The following RPL3L variants were observed in gnomAD, a reference collection of about 807,000 sequenced individuals.
The protein encoded by RPL3L is ribosomal protein uL3-like.
Under a neutral mutation model 44.5 loss-of-function variants are expected in RPL3L, and 44 were observed. That is an observed-to-expected ratio of 0.99 (90% CI 0.78 to 1.27). The LOEUF (loss-of-function observed/expected upper bound fraction) is 1.27, where lower values mean the gene tolerates loss of function less well. Among genes scored for constraint, RPL3L ranks in the 50% most tolerant of loss-of-function variants. The pLI, the probability that RPL3L is intolerant of heterozygous loss-of-function variation, is 0.00. For missense variants in RPL3L, 631 were observed against 569.1 expected (o/e 1.11, Z -1.11); for synonymous variants, 292 against 230.7 (o/e 1.27, Z -2.41).
At chr16:1,947,675 T>A (rs921777440) in intron 4 of RPL3L, among the ~76,000 whole-genome samples, 1 of 152,116 alleles carries the variant, frequency 6.6e-6, no homozygotes, top group African/African-American at 2.4e-5. Flanking sequence ...GTGTTTCAGA[T>A]ACAGTGGTCA....
intron 8 of RPL3L, 64 bp downstream of exon 8, chr16:1,945,771 C>G: frequency 6.2e-7 from 1 of 1,607,404 alleles, no homozygotes; most frequent in Non-Finnish European, 8.5e-7. Flanking sequence ...CGTAGCAGGC[C>G]GCAGGGCAGG....
intron 4 of RPL3L, among the ~76,000 whole-genome samples, chr16:1,950,591 G>A (rs564580921): frequency 4.6e-5 from 7 of 152,244 alleles, no homozygotes; most frequent in African/African-American, 1.4e-4. Context: ...CTGGGGACCC[G>A]GCTCTTCAGG....
intron 9 of RPL3L, 62 bp downstream of exon 9, chr16:1,945,437 G>C: frequency 3.8e-6 from 6 of 1,563,626 alleles, no homozygotes; most frequent in Non-Finnish European, 5.2e-6. Flanking sequence ...CTCCCTACTC[G>C]GGCAGGCTGG....
In RPL3L at chr16:1,946,651, C is replaced by T. The variant is rs769752391; in HGVS notation, c.925G>A (p.Val309Met). Reference protein sequence around the residue: ...VKNNASTSYDVTAKSITPLGG... With the variant: ...VKNNASTSYDMTAKSITPLGG... ...AGCGGTGTGATGGACTTGGCAGTCA[C>T]GTCGTAGCTGGTGGATGCATTGTTC... is the stretch of plus-strand genomic sequence containing the variant. The change falls in exon 7 of 10, where the codon GTG becomes ATG. Residue 309 changes from valine to methionine, a missense_variant. Val to Met is a conservative substitution (Grantham distance 21). Coordinates refer to ENST00000268661, the MANE Select transcript of RPL3L (RefSeq NM_005061.3). 2.7e-5 allele frequency: 44 copies of T among 1,612,758 alleles called. No homozygotes were observed. Among genetic ancestry groups the T allele is most frequent in the Admixed American group, 6.7e-5 (4 of 60,024 alleles).
At position 1,953,899 on chromosome 16, in the gene RPL3L, C is replaced by T. The variant is rs141123265; in HGVS notation, c.196+57G>A. 4.0e-4 allele frequency: 572 copies of T among 1,415,038 alleles called. 1 individual carries two copies. In the Middle Eastern group the frequency reaches 7.5e-3, roughly 19 times the overall value. 87.7% of individuals were successfully genotyped at this position (1,415,038 alleles called of 1,614,324 possible). A position where few individuals can be genotyped will look rare whatever the true frequency, so the allele number is the denominator to read the frequency against. Reference sequence around the variant, plus strand: ...GGACCAAAAGCGTGAGTTCTGGCTCCGAGCATCTGGAAGGTTCAGCCCTCC... The same window carrying T: ...GGACCAAAAGCGTGAGTTCTGGCTCTGAGCATCTGGAAGGTTCAGCCCTCC... On this transcript the variant is annotated intron_variant, in intron 2 of 9. Transcript: ENST00000268661.
intron 1 of RPL3L, 132 bp from the exon 2 acceptor site, chr16:1,954,280 C>A: frequency 9.9e-7 from 1 of 1,012,954 alleles, no homozygotes; most frequent in Non-Finnish European, 1.4e-6. Flanking sequence ...CCTCCCCTGT[C>A]TGCCTACAGG....
At chr16:1,946,551 C>T in intron 7 of RPL3L, 74 bp downstream of exon 7, 1 of 1,498,444 alleles carries the variant, frequency 6.7e-7, no homozygotes, top group Non-Finnish European at 9.2e-7. Context: ...ACCAGGCCCC[C>T]CGGCCAGCCT....
intron 5 of RPL3L, 28 bp downstream of exon 5, chr16:1,947,166 T>G (rs1353364216): frequency 6.2e-7 from 1 of 1,612,966 alleles, no homozygotes; most frequent in Admixed American, 1.7e-5. Flanking sequence ...CAGCCTGCCC[T>G]GGAGCTGCCA....
intron 2 of RPL3L, 71 bp downstream of exon 2, chr16:1,953,885 G>GT: frequency 7.3e-7 from 1 of 1,376,618 alleles, no homozygotes; most frequent in South Asian, 1.7e-5. Flanking sequence ...GACCAAAAGC[G>GT]TGAGTTCTGG....
intron 7 of RPL3L, 66 bp downstream of exon 7, chr16:1,946,559 C>A: frequency 6.5e-7 from 1 of 1,536,670 alleles, no homozygotes; most frequent in Non-Finnish European, 8.9e-7. Flanking sequence ...CCCCGGCCAG[C>A]CTGACCCCAC....
chr16:1,944,895 T>C lies in RPL3L; in HGVS notation c.1168-2A>G, dbSNP rs2083108914. ...CTCCAGATGCTTCTTTTGGGGGCCC[T>C]GGTTGAGAGGGTGGTGCAGGAGGAG... On this transcript the variant is annotated splice_acceptor_variant, in intron 9 of 9. Coordinates refer to ENST00000268661, the MANE Select transcript of RPL3L (RefSeq NM_005061.3). LOFTEE classifies it high-confidence loss of function. 2 of 1,612,214 alleles carry C rather than the reference T, an allele frequency of 1.2e-6. No individual in the cohort carries two copies. The highest frequency in any genetic ancestry group is 1.7e-6 in the Non-Finnish European group (2 of 1,179,276).
Position 1,947,041 on chromosome 16 carries a change from C to A in RPL3L, c.746G>T (p.Arg249Leu), listed in dbSNP as rs149043671. The A allele has an allele frequency of 1.2e-6, 2 of 1,613,010 alleles. No individual in the cohort carries two copies. Among genetic ancestry groups the A allele is most frequent in the East Asian group, 2.2e-5 (1 of 44,888 alleles). Residue 249 changes from arginine (R) to leucine (L), a missense_variant, in exon 6 of 10, where the codon CGC becomes CTC. By Grantham distance (102) the Arg-to-Leu change is moderately radical (BLOSUM62 -2). Coordinates refer to ENST00000268661, the MANE Select transcript of RPL3L (RefSeq NM_005061.3). The part of the protein sequence containing the change: ...KLPRKTHKGL[R>L]KVACIGAWHP... ...CCAGGCGCCAATGCAGGCCACCTTGCGCAGGCCCTTATGGGTCTTCCGCGG... is the reference window on the plus strand; with the variant it reads ...CCAGGCGCCAATGCAGGCCACCTTGAGCAGGCCCTTATGGGTCTTCCGCGG...
At chr16:1,952,809 C>T in intron 3 of RPL3L, 65 bp downstream of exon 3, 1 of 1,581,870 alleles carries the variant, frequency 6.3e-7, no homozygotes, top group Non-Finnish European at 8.6e-7. Flanking sequence ...AGAGCTAGAG[C>T]CTCAGGCACC....
At chr16:1,945,354 C>CAAAAAAAAAAAAAACA (rs1457174857) in intron 9 of RPL3L, 145 bp downstream of exon 9, 1 of 707,192 alleles carries the variant, frequency 1.4e-6, no homozygotes, top group Non-Finnish European at 1.9e-6. Flanking sequence ...GACTCCATCT[C>CAAAAAAAAAAAAAACA]AAAAAATAAA....
Position 1,950,951 on chromosome 16 carries a change from T to C in RPL3L, c.394A>G (p.Lys132Glu). The C allele has an allele frequency of 6.2e-7, 1 of 1,613,998 alleles. No homozygotes were observed. The highest frequency in any genetic ancestry group is 8.5e-7 in the Non-Finnish European group (1 of 1,179,956). The change falls in exon 4 of 10, where the codon AAG becomes GAG. Residue 132 changes from lysine (K) to glutamate (E), a missense_variant. Coordinates refer to ENST00000268661, the MANE Select transcript of RPL3L (RefSeq NM_005061.3). Reference sequence around the variant, plus strand: ...GTGTCCCGCCACCTCTTGCAGGCCTTGGTGAAGGCTTTCTTCTTGCTCTTG... The same window carrying C: ...GTGTCCCGCCACCTCTTGCAGGCCTCGGTGAAGGCTTTCTTCTTGCTCTTG... ...WHKSKKKAFT[K>E]ACKRWRDTDG...
At chr16:1,948,738 C>T (rs1597026911) in intron 4 of RPL3L, among the ~76,000 whole-genome samples, 1 of 149,574 alleles carries the variant, frequency 6.7e-6, no homozygotes, top group South Asian at 2.2e-4. Context: ...TTTTTTGAGA[C>T]GGAGTTTTGC....
chr16:1,954,556 A>G, intron 1 of RPL3L, 73 bp downstream of exon 1: 1 of 1,477,426 alleles, frequency 6.8e-7, no homozygotes, highest in South Asian at 1.3e-5. Context: ...GGGAGCATCC[A>G]GAAGCCCAGC....
Position 1,944,850 on chromosome 16 carries a change from G to A in RPL3L, c.1211C>T (p.Ser404Leu), listed in dbSNP as rs1597023846. Reference sequence around the variant, plus strand: ...ACCCCACACAGCCTACAAGTCTCCCGAGGTCTCCGGCGTTTCCTTCTCCAG... The same window carrying A: ...ACCCCACACAGCCTACAAGTCTCCCAAGGTCTCCGGCGTTTCCTTCTCCAG... The part of the protein sequence containing the change: ...KHLEKETPET[S>L]GDL Residue 404 changes from serine (S) to leucine (L), a missense_variant, in exon 10 of 10, where the codon TCG becomes TTG. Coordinates refer to ENST00000268661, the MANE Select transcript of RPL3L (RefSeq NM_005061.3). 1.3e-5 allele frequency: 21 copies of A among 1,613,922 alleles called. No individual in the cohort carries two copies. Among genetic ancestry groups the A allele is most frequent in the South Asian group, 2.2e-5 (2 of 91,092 alleles).
In RPL3L at chr16:1,950,891, C is replaced by G; in HGVS notation, c.454G>C (p.Ala152Pro). 1 of 1,614,058 alleles carries G rather than the reference C, an allele frequency of 6.2e-7. No homozygotes were observed. The highest frequency in any genetic ancestry group is 8.5e-7 in the Non-Finnish European group (1 of 1,179,980). ...ATGACCTTGCAGTACTTCTTCATGG[C>G]GGCGAAGTCCTTCTGTAGCTGCTTT... Reference protein sequence around the residue: ...GKKQLQKDFAAMKKYCKVIRV... With the variant: ...GKKQLQKDFAPMKKYCKVIRV... Residue 152 changes from alanine (A) to proline (P), a missense_variant, in exon 4 of 10, where the codon GCC becomes CCC. Ala to Pro is a conservative substitution (Grantham distance 27, BLOSUM62 -1). Transcript: ENST00000268661.
Sources: gnomAD v4.1 joint callset for allele counts (sites outside exome capture counted in the v4.1 genomes callset) on GRCh38, gnomAD v4.1.1 for gene constraint, MANE v1.5 for transcripts, NCBI Gene and HGNC (gene_info 2026-07-23, HGNC 2026-07-21) for gene names.